LAMA2: variants seen among roughly 807,000 people sequenced by gnomAD.
The protein encoded by LAMA2 is laminin subunit alpha-2.
A neutral mutation model predicts 364.8 loss-of-function variants in LAMA2; 269 were observed. That is an observed-to-expected ratio of 0.74 (90% CI 0.67 to 0.82). The LOEUF (loss-of-function observed/expected upper bound fraction) is 0.82. Among genes scored for constraint, LAMA2 ranks in the 40% least tolerant of loss-of-function variants. The pLI is 0.00. For synonymous variants in LAMA2, 1,379 were observed against 1,370.6 expected (o/e 1.01, Z -0.14); for missense variants, 3,807 against 3,873.2 (o/e 0.98, Z 0.45).
intron 22 of LAMA2, among the ~76,000 whole-genome samples, chr6:129,307,594 C>G (rs1344365740): frequency 6.6e-6 from 1 of 152,140 alleles, no homozygotes; most frequent in Non-Finnish European, 1.5e-5. Flanking sequence ...TTTTCCTTCT[C>G]TCAGAAATCA....
intron 22 of LAMA2, among the ~76,000 whole-genome samples, chr6:129,301,739 T>C (rs965757500): frequency 2.0e-5 from 3 of 152,166 alleles, no homozygotes; most frequent in African/African-American, 7.2e-5. Flanking sequence ...TTTATAGTAA[T>C]GAATTTTAAC....
intron 1 of LAMA2, among the ~76,000 whole-genome samples, chr6:128,942,931 G>A (rs1157803515): frequency 1.3e-5 from 2 of 152,174 alleles, no homozygotes; most frequent in African/African-American, 2.4e-5. Flanking sequence ...CGTAGTTTCA[G>A]TGAGGAAGAG....
At chr6:129,416,259 G>A (rs1780784718) in intron 40 of LAMA2, among the ~76,000 whole-genome samples, 1 of 151,874 alleles carries the variant, frequency 6.6e-6, no homozygotes, top group African/African-American at 2.4e-5. Flanking sequence ...CACTTTCTTT[G>A]ATCAACTTCT....
At chr6:129,511,262 T>G (rs1188114720) in intron 62 of LAMA2, among the ~76,000 whole-genome samples, 1 of 149,272 alleles carries the variant, frequency 6.7e-6, no homozygotes, top group Non-Finnish European at 1.5e-5. Context: ...TCACTGGGGC[T>G]TTTTTTTGGC....
chr6:129,133,329 T>C (rs1777595713), intron 4 of LAMA2, among the ~76,000 whole-genome samples: 1 of 152,170 alleles, frequency 6.6e-6, no homozygotes, highest in Admixed American at 6.5e-5. Context: ...CAACTGTGAA[T>C]ATGCAATTTC....
In LAMA2 at chr6:129,328,178, G is replaced by A. The variant is rs78803692; in HGVS notation, c.4177-100G>A. ...AAGTGATGTTGCCCCTGCCGCAGGT[G>A]GGGGAAGGCCAGTCTGTCTTTGCAG... On this transcript the variant is annotated intron_variant, in intron 28 of 64. Transcript: ENST00000421865. 642 of 1,005,916 alleles carry A rather than the reference G, an allele frequency of 6.4e-4. 6 individuals carry two copies. In the East Asian group the frequency reaches 0.014, roughly 22 times the overall value. The allele number at this position is 1,005,916 out of a possible 1,614,324, so 62.3% of individuals were successfully genotyped here.
At position 129,434,325 on chromosome 6, in the gene LAMA2, A is replaced by G. The variant is rs564636312; in HGVS notation, c.5969-4321A>G. Among the ~76,000 whole-genome samples the G allele has an allele frequency of 2.0e-5, 3 of 152,188 alleles. No individual in the cohort carries two copies. In the South Asian group the frequency reaches 6.2e-4, roughly 32 times the overall value. Reference sequence around the variant, plus strand: ...CTGCTGCTTCCATTCCCTCATTGTGAGTCCTGCTTTTGCCAAACTAATTCT... The same window carrying G: ...CTGCTGCTTCCATTCCCTCATTGTGGGTCCTGCTTTTGCCAAACTAATTCT... On this transcript the variant is annotated intron_variant, in intron 41 of 64. Coordinates refer to ENST00000421865, the MANE Select transcript of LAMA2 (RefSeq NM_000426.4).
chr6:129,279,984 G>C (rs1788607638), intron 17 of LAMA2, 77 bp from the exon 18 acceptor site: 4 of 942,722 alleles, frequency 4.2e-6, no homozygotes, highest in Non-Finnish European at 5.2e-6. Flanking sequence ...AGTGGAGAGA[G>C]AGAAATGAGA....
chr6:128,969,156 G>A (rs893918344), intron 1 of LAMA2, among the ~76,000 whole-genome samples: 4 of 152,266 alleles, frequency 2.6e-5, no homozygotes, highest in African/African-American at 9.6e-5. Flanking sequence ...ACCTTGGCCA[G>A]TGAGAAGGGT....
At chr6:129,048,545 C>CT (rs1456521851) in intron 1 of LAMA2, among the ~76,000 whole-genome samples, 1 of 49,380 alleles carries the variant, frequency 2.0e-5, no homozygotes, top group Non-Finnish European at 4.2e-5. Context: ...TCCTTCCTTT[C>CT]TTTCTTTCTC....
intron 29 of LAMA2, among the ~76,000 whole-genome samples, chr6:129,329,368 T>TC (rs911874925): frequency 6.6e-6 from 1 of 151,436 alleles, no homozygotes; most frequent in Non-Finnish European, 1.5e-5. Context: ...ACCTTTTTGT[T>TC]TTTTTTTTCC....
rs536471393 is a variant in LAMA2 at position 129,325,588 on chromosome 6, A to C, written c.4177-2690A>C. On this transcript the variant is annotated intron_variant, in intron 28 of 64. Coordinates refer to ENST00000421865, the MANE Select transcript of LAMA2 (RefSeq NM_000426.4). ...TAAGTTTCTAATCTTTGCGTTGTCAAATACTCTCTCTCTCTCTTTTGCTAC... is the reference window on the plus strand; with the variant it reads ...TAAGTTTCTAATCTTTGCGTTGTCACATACTCTCTCTCTCTCTTTTGCTAC... 3.9e-5 allele frequency among the ~76,000 whole-genome samples: 6 copies of C among 152,164 alleles called. No homozygotes were observed. The South Asian group carries it at 1.2e-3, about 32-fold the overall frequency.
At chr6:129,083,093 C>A in intron 3 of LAMA2, among the ~76,000 whole-genome samples, 1 of 152,036 alleles carries the variant, frequency 6.6e-6, no homozygotes, top group Non-Finnish European at 1.5e-5. Flanking sequence ...CACACACACA[C>A]ACACACACGT....
At chr6:129,281,666 C>T (rs1788726330) in intron 18 of LAMA2, among the ~76,000 whole-genome samples, 1 of 151,990 alleles carries the variant, frequency 6.6e-6, no homozygotes, top group African/African-American at 2.4e-5. Flanking sequence ...GGGAGAATTC[C>T]ATTTGAATAG....
chr6:128,951,709 A>C (rs988024274), intron 1 of LAMA2, among the ~76,000 whole-genome samples: 1 of 152,176 alleles, frequency 6.6e-6, no homozygotes, highest in African/African-American at 2.4e-5. Flanking sequence ...AAAGCTTCTT[A>C]TTGTCCCCAA....
At chr6:129,467,357 G>A (rs143094094) in intron 51 of LAMA2, among the ~76,000 whole-genome samples, 1 of 151,756 alleles carries the variant, frequency 6.6e-6, no homozygotes, top group Admixed American at 6.6e-5. Context: ...GACTCCAAAA[G>A]GGGGGAGGGA....
intron 18 of LAMA2, among the ~76,000 whole-genome samples, chr6:129,280,379 T>C (rs901564833): frequency 3.9e-5 from 6 of 152,214 alleles, no homozygotes; most frequent in African/African-American, 9.6e-5. Flanking sequence ...CTGATTAATG[T>C]TTTAATCTTA....
chr6:129,195,272 CT>C (rs35617785), intron 12 of LAMA2, among the ~76,000 whole-genome samples: 1 of 152,100 alleles, frequency 6.6e-6, no homozygotes, highest in African/African-American at 2.4e-5. Context: ...TGCTGTTATT[CT>C]TTTTTTAGGA....
intron 62 of LAMA2, among the ~76,000 whole-genome samples, chr6:129,508,392 TTTTAG>T (rs1288436512): frequency 6.7e-6 from 1 of 148,168 alleles, no homozygotes; most frequent in Non-Finnish European, 1.5e-5. Context: ...GATTATACTC[TTTTAG>T]TTATTTTTAA....
Sources: allele counts gnomAD v4.1 joint callset (sites outside exome capture counted in the v4.1 genomes callset), GRCh38; gene constraint gnomAD v4.1.1; transcripts MANE v1.5; gene names NCBI Gene and HGNC (gene_info 2026-07-23, HGNC 2026-07-21).